The following HHIPL1 variants were observed in gnomAD, a reference collection of about 807,000 sequenced individuals.
HHIPL1 encodes the protein HHIP like 1.
Under a neutral mutation model 61.8 loss-of-function variants are expected in HHIPL1, and 43 were observed. The ratio of observed to expected loss-of-function variants is 0.70; its 90% CI spans 0.55 to 0.90. The LOEUF (loss-of-function observed/expected upper bound fraction) is 0.90, where lower values mean the gene tolerates loss of function less well. Among genes scored for constraint, HHIPL1 ranks in the 40% least tolerant of loss-of-function variants. The pLI is 0.00. For missense variants in HHIPL1, 1,056 were observed against 1,157.7 expected (o/e 0.91, Z 1.28); for synonymous variants, 482 against 515.8 (o/e 0.93, Z 0.89).
intron 7 of HHIPL1, among the ~76,000 whole-genome samples, chr14:99,671,980 G>A (rs909914450): frequency 6.6e-6 from 1 of 152,194 alleles, no homozygotes; most frequent in Non-Finnish European, 1.5e-5. Context: ...GGCAGGCTGT[G>A]GGAGGAGAGA....
At chr14:99,661,317 C>A (rs1178976377) in intron 5 of HHIPL1, among the ~76,000 whole-genome samples, 2 of 151,652 alleles carry the variant, frequency 1.3e-5, no homozygotes, top group Non-Finnish European at 2.9e-5. Flanking sequence ...TAGTACTTGC[C>A]CCTAGGGTGG....
chr14:99,607,034 T>TC, the HHIPL1 span, among the ~76,000 whole-genome samples: 3 of 128,542 alleles, frequency 2.3e-5, no homozygotes, highest in African/African-American at 8.6e-5. Context: ...TTTTTTTTTT[T>TC]TTTTTTTTTT....
the HHIPL1 span, among the ~76,000 whole-genome samples, chr14:99,604,771 G>T: frequency 6.6e-6 from 1 of 152,020 alleles, no homozygotes; most frequent in East Asian, 1.9e-4. Flanking sequence ...GGGCGACGGC[G>T]CCCCTTCTCC....
the HHIPL1 span, among the ~76,000 whole-genome samples, chr14:99,618,322 C>A: frequency 2.6e-4 from 39 of 152,306 alleles, no homozygotes; most frequent in Middle Eastern, 3.4e-3. Context: ...GGCTGCCTGG[C>A]GGACCCATGG....
the HHIPL1 span, among the ~76,000 whole-genome samples, chr14:99,620,553 G>T: frequency 6.6e-6 from 1 of 152,232 alleles, no homozygotes; most frequent in Non-Finnish European, 1.5e-5. Flanking sequence ...CTTCCTCCCC[G>T]CAGGGGGGCT....
chr14:99,629,661 C>T, the HHIPL1 span, among the ~76,000 whole-genome samples: 3 of 13,608 alleles, frequency 2.2e-4, no homozygotes, highest in Admixed American at 1.4e-3. Flanking sequence ...CCACGCCCGG[C>T]TAATTTTTTT....
intron 1 of HHIPL1, among the ~76,000 whole-genome samples, chr14:99,648,904 G>A (rs567101492): frequency 9.3e-4 from 142 of 152,346 alleles, no homozygotes; most frequent in African/African-American, 3.4e-3. Context: ...ACGAGTGTCA[G>A]TGACATGGGG....
At chr14:99,656,355 T>C (rs1010655695) in intron 2 of HHIPL1, among the ~76,000 whole-genome samples, 5 of 152,174 alleles carry the variant, frequency 3.3e-5, no homozygotes, top group Non-Finnish European at 5.9e-5. Flanking sequence ...GTGGGCTGTG[T>C]GACCTTAGAC....
At chr14:99,629,699 C>T in the HHIPL1 span, among the ~76,000 whole-genome samples, 15 of 152,024 alleles carry the variant, frequency 9.9e-5, no homozygotes, top group African/African-American at 3.6e-4. Flanking sequence ...GACAAGGTTT[C>T]ACCATGTTGG....
upstream of HHIPL1, among the ~76,000 whole-genome samples, chr14:99,644,050 T>C (rs2055788036): frequency 6.6e-6 from 1 of 152,132 alleles, no homozygotes; most frequent in Admixed American, 6.5e-5. Context: ...TACTCAGAGA[T>C]GTTTGGCTGT....
chr14:99,646,831 T>TAATATAATATAATA (rs2055846954), intron 1 of HHIPL1, among the ~76,000 whole-genome samples: 2 of 62,992 alleles, frequency 3.2e-5, no homozygotes, highest in Admixed American at 2.1e-4. Flanking sequence ...TGATATGATA[T>TAATATAATATAATA]GATATAATAT....
chr14:99,659,855 C>CG (rs534509482), intron 4 of HHIPL1, 99 bp downstream of exon 4: 2 of 563,220 alleles, frequency 3.6e-6, no homozygotes, highest in African/African-American at 2.4e-5. Flanking sequence ...CACCCCCCCC[C>CG]CCCCGGAGAT....
intron 2 of HHIPL1, among the ~76,000 whole-genome samples, chr14:99,656,640 G>T (rs1191194039): frequency 1.3e-5 from 2 of 151,690 alleles, no homozygotes; most frequent in Non-Finnish European, 2.9e-5. Context: ...GCCAGGCATG[G>T]TGGCGGGCAC....
chr14:99,667,089 C>T (rs2056258036), intron 6 of HHIPL1, among the ~76,000 whole-genome samples: 1 of 151,882 alleles, frequency 6.6e-6, no homozygotes, highest in Admixed American at 6.5e-5. Flanking sequence ...GGGAAACCCC[C>T]CTCCCTGCCC....
chr14:99,620,655 G>A, the HHIPL1 span, among the ~76,000 whole-genome samples: 7 of 152,242 alleles, frequency 4.6e-5, no homozygotes, highest in African/African-American at 1.7e-4. Context: ...GCCACTGTGG[G>A]AAAGTCACTT....
intron 1 of HHIPL1, 130 bp downstream of exon 1, chr14:99,645,592 A>C: frequency 9.9e-7 from 1 of 1,011,024 alleles, no homozygotes; most frequent in Non-Finnish European, 1.3e-6. Context: ...CCCAACAGGG[A>C]GTCATTTGGC....
At chr14:99,625,131 G>C in the HHIPL1 span, 1 of 152,246 alleles carries the variant, frequency 6.6e-6, no homozygotes, top group South Asian at 2.1e-4. Flanking sequence ...GAAAGCACCC[G>C]GTGCTGCGGG....
the HHIPL1 span, among the ~76,000 whole-genome samples, chr14:99,620,393 C>T: frequency 6.6e-6 from 1 of 152,246 alleles, no homozygotes; most frequent in Non-Finnish European, 1.5e-5. Flanking sequence ...GGAGCCCCTG[C>T]CCTGACCTGG....
In HHIPL1 at chr14:99,677,389, C is replaced by G. The variant is rs1323608404; in HGVS notation, c.*1763C>G. On this transcript the variant is annotated 3_prime_UTR_variant, in exon 9 of 9. Coordinates refer to ENST00000330710, the MANE Select transcript of HHIPL1 (RefSeq NM_001127258.3). The surrounding 1 kb of genome is among the most constrained non-coding windows in gnomAD (Gnocchi z 4.3). ...GGCTGGGAAGCAGCTGATGGAGATC[C>G]CTGGGGGCTCCTCTTGCCTGGCAGG... is the stretch of plus-strand genomic sequence containing the variant. 1 of 152,294 alleles carries G rather than the reference C, an allele frequency of 6.6e-6. No homozygotes were observed. The highest frequency in any genetic ancestry group is 1.9e-4 in the East Asian group (1 of 5,192). The allele number at this position is 152,294 out of a possible 1,614,324, so 9.4% of individuals were successfully genotyped here. A position where few individuals can be genotyped will look rare whatever the true frequency, so the allele number is the denominator to read the frequency against.
Sources: allele counts gnomAD v4.1 joint callset (sites outside exome capture counted in the v4.1 genomes callset), GRCh38; gene constraint gnomAD v4.1.1; non-coding constraint Gnocchi (gnomAD v3.1); transcripts MANE v1.5; gene names NCBI Gene and HGNC (gene_info 2026-07-23, HGNC 2026-07-21).